NOS1: variants seen among roughly 807,000 people sequenced by gnomAD.
NOS1 encodes nitric oxide synthase 1, also known as NOS type I.
NOS1 carries 51 observed loss-of-function variants against 164.5 expected under a neutral mutation model. The observed-to-expected ratio is 0.31, with a 90% CI of 0.25 to 0.39. NOS1 has a LOEUF of 0.39. Ranked by LOEUF, NOS1 falls within the 10% of genes least tolerant of loss-of-function variation. The probability of loss-of-function intolerance (pLI) is 1.00; values close to 1 mark genes in which losing one functional copy is unlikely to be tolerated. For missense variants in NOS1, 1,362 were observed against 1,885.6 expected (o/e 0.72, Z 5.14); for synonymous variants, 719 against 745.8 (o/e 0.96, Z 0.59).
chr12:117,270,377 C>T (rs1307137728), intron 10 of NOS1, among the ~76,000 whole-genome samples: 1 of 152,080 alleles, frequency 6.6e-6, no homozygotes, highest in East Asian at 1.9e-4. Flanking sequence ...CTACTCTTTG[C>T]AACTGAAATG....
Position 117,243,282 on chromosome 12 carries a change from G to T in NOS1, c.2962+15C>A. The T allele has an allele frequency of 6.2e-7, 1 of 1,613,668 alleles. No individual in the cohort carries two copies. Among genetic ancestry groups the T allele is most frequent in the South Asian group, 1.1e-5 (1 of 90,972 alleles). On this transcript the variant is annotated intron_variant, in intron 19 of 28. Transcript: ENST00000317775. The surrounding 1 kb of genome is among the most constrained non-coding windows in gnomAD (Gnocchi z 4.3). Reference sequence around the variant, plus strand: ...ATTGTCACGAATACCTCCCTGGAAGGGTGGTGGGAGGTACCTTGTGTGAGT... The same window carrying T: ...ATTGTCACGAATACCTCCCTGGAAGTGTGGTGGGAGGTACCTTGTGTGAGT...
rs1047545580 is a variant in NOS1, at chr12:117,299,139, C to CATAA, written c.853-8717_853-8714dup. Among the ~76,000 whole-genome samples the CATAA allele has an allele frequency of 1.1e-3, 172 of 152,356 alleles. 2 individuals carry two copies. Among genetic ancestry groups the CATAA allele is most frequent in the African/African-American group, 3.9e-3 (164 of 41,590 alleles). ...GGTACCACCTCTCCCGGGCAGCAAG[C>CATAA]ATAACCTGGTTACAAGCTGGGACAG... On this transcript the variant is annotated intron_variant, in intron 3 of 28. Transcript: ENST00000317775.
intron 1 of NOS1, among the ~76,000 whole-genome samples, chr12:117,360,230 A>G (rs1426105067): frequency 6.6e-6 from 1 of 151,848 alleles, no homozygotes; most frequent in Non-Finnish European, 1.5e-5. Context: ...CGGAGCTTGG[A>G]GAGCCATGAG....
rs778950738 is a variant in NOS1, at chr12:117,265,389, A to G, written c.2063T>C (p.Met688Thr). ...GAACACAGGGGTGATGCTTCCGGACATGGGGGGCACGATCCACACCCAGTC... is the reference window on the plus strand; with the variant it reads ...GAACACAGGGGTGATGCTTCCGGACGTGGGGGGCACGATCCACACCCAGTC... ...PADWVWIVPP[M>T]SGSITPVFHQ... Residue 688 changes from methionine to threonine, a missense_variant, in exon 12 of 29, where the codon ATG becomes ACG. Physicochemically the swap from Met to Thr is moderately conservative, Grantham distance 81 (BLOSUM62 -1). Around this residue, in one of 4 missense-constraint regions of NOS1, gnomAD observed 737 missense variants for 1,030.3 expected, o/e 0.72. Transcript: ENST00000317775. 1 of 1,590,662 alleles carries G rather than the reference A, an allele frequency of 6.3e-7. No homozygotes were observed.
At chr12:117,215,413 C>G (rs2135915182) in intron 28 of NOS1, 89 bp from the exon 29 acceptor site, 7 of 1,374,406 alleles carry the variant, frequency 5.1e-6, no homozygotes, top group Non-Finnish European at 6.7e-6. Context: ...CACCCATGCT[C>G]TGGGCTCAGG....
At position 117,272,484 on chromosome 12, in the gene NOS1, G is replaced by A. The variant is rs973123429; in HGVS notation, c.1740C>T (p.Gly580=). The A allele has an allele frequency of 3.1e-6, 5 of 1,614,032 alleles. No homozygotes were observed. In the African/African-American group the frequency reaches 4.0e-5, roughly 13 times the overall value. The change falls in exon 10 of 29, where the codon GGC becomes GGT. Residue 580 remains glycine, a synonymous_variant. Coordinates refer to ENST00000317775, the MANE Select transcript of NOS1 (RefSeq NM_000620.5). This position sits in a 1 kb window ranked among gnomAD's most constrained non-coding sequence, Gnocchi z 4.3. ...PAVSNMLLEI[G]GLEFSACPFS... ...AGGGACAGGCGCTGAACTCCAGGCC[G>A]CCAATCTCTAGGAGCATGTTGGACA...
At chr12:117,220,768 C>T (rs1956690276) in intron 26 of NOS1, among the ~76,000 whole-genome samples, 1 of 152,076 alleles carries the variant, frequency 6.6e-6, no homozygotes, top group Non-Finnish European at 1.5e-5. Flanking sequence ...AAGCCGGCTG[C>T]TGTAGCGATA....
At chr12:117,229,562 T>TTCTA (rs58234141) in intron 22 of NOS1, among the ~76,000 whole-genome samples, 20,865 of 149,284 alleles carry the variant, frequency 0.14, 1,546 homozygotes, top group African/African-American at 0.17. Flanking sequence ...TATCAAATTC[T>TTCTA]TCTATCTATC....
At chr12:117,343,304 TGAAA>T (rs1487953827) in intron 1 of NOS1, among the ~76,000 whole-genome samples, 1 of 151,110 alleles carries the variant, frequency 6.6e-6, no homozygotes, top group Admixed American at 6.6e-5. Flanking sequence ...AAAATGGGGG[TGAAA>T]GAAAGAATAA....
chr12:117,360,359 G>C (rs1480029219), intron 1 of NOS1, among the ~76,000 whole-genome samples: 1 of 152,182 alleles, frequency 6.6e-6, no homozygotes, highest in East Asian at 1.9e-4. Context: ...CCTGGAAGTT[G>C]GATCCCCCGG....
Position 117,321,290 on chromosome 12 carries a change from G to A in NOS1, c.725+9055C>T, listed in dbSNP as rs554967960. ...CTCCCAAAGTGCTGGGATTACAGGCGTGGGCCACCACACCCGGCCTATTTA... is the reference window on the plus strand; with the variant it reads ...CTCCCAAAGTGCTGGGATTACAGGCATGGGCCACCACACCCGGCCTATTTA... On this transcript the variant is annotated intron_variant, in intron 2 of 28. Coordinates refer to ENST00000317775, the MANE Select transcript of NOS1 (RefSeq NM_000620.5). Among the ~76,000 whole-genome samples the A allele has an allele frequency of 4.6e-5, 7 of 152,328 alleles. No individual in the cohort carries two copies. The South Asian group carries it at 1.0e-3, about 23-fold the overall frequency.
chr12:117,270,732 T>G (rs1872727989), intron 10 of NOS1, among the ~76,000 whole-genome samples: 1 of 152,118 alleles, frequency 6.6e-6, no homozygotes, highest in Non-Finnish European at 1.5e-5. Context: ...GCTAGAAGTT[T>G]GCACACATTG....
chr12:117,317,518 G>T (rs1199135237), intron 2 of NOS1, among the ~76,000 whole-genome samples: 2 of 150,860 alleles, frequency 1.3e-5, no homozygotes, highest in East Asian at 1.9e-4. Context: ...ATATTGCAAA[G>T]TGCCCCCTGG....
intron 17 of NOS1, among the ~76,000 whole-genome samples, chr12:117,252,018 C>A (rs1341278838): frequency 6.6e-6 from 1 of 152,196 alleles, no homozygotes; most frequent in Non-Finnish European, 1.5e-5. Context: ...CAGGCATGAG[C>A]CACTGTGCCC....
At chr12:117,220,979 G>T (rs1346584046) in intron 26 of NOS1, among the ~76,000 whole-genome samples, 1 of 151,942 alleles carries the variant, frequency 6.6e-6, no homozygotes, top group Non-Finnish European at 1.5e-5. Flanking sequence ...GTCAGACACT[G>T]CCCGGACTCT....
rs1177344096 is a variant in NOS1 at position 117,209,238 on chromosome 12, T to C, written c.*6071A>G. 11 of 982,698 alleles carry C rather than the reference T, an allele frequency of 1.1e-5. No homozygotes were observed. The highest frequency in any genetic ancestry group is 7.0e-5 in the African/African-American group (4 of 57,172). The allele number at this position is 982,698 out of a possible 1,614,324, so 60.9% of individuals were successfully genotyped here. On this transcript the variant is annotated 3_prime_UTR_variant, in exon 29 of 29. Coordinates refer to ENST00000317775, the MANE Select transcript of NOS1 (RefSeq NM_000620.5). The stretch of plus-strand genomic sequence containing the variant: ...AGAGGGGTGTTGCCCCCTGGGGACA[T>C]TGGGCAATGTCTGATGACATACTTG...
intron 9 of NOS1, among the ~76,000 whole-genome samples, chr12:117,275,582 ACACC>A: frequency 6.6e-6 from 1 of 152,172 alleles, no homozygotes; most frequent in Admixed American, 6.6e-5. Flanking sequence ...GTACTGTTCT[ACACC>A]ACTGTAGGAT....
chr12:117,262,650 T>A (rs1397653476), intron 13 of NOS1, among the ~76,000 whole-genome samples: 1 of 152,072 alleles, frequency 6.6e-6, no homozygotes, highest in Non-Finnish European at 1.5e-5. Flanking sequence ...GTTGTACAAC[T>A]AGTTATCATA....
At chr12:117,253,834 G>T in intron 16 of NOS1, 80 bp from the exon 17 acceptor site, 1 of 903,680 alleles carries the variant, frequency 1.1e-6, no homozygotes, top group South Asian at 1.4e-5. Flanking sequence ...ATCTTCAAGT[G>T]ACCAGTCCTG....
Sources: allele counts gnomAD v4.1 joint callset (sites outside exome capture counted in the v4.1 genomes callset), GRCh38; gene constraint gnomAD v4.1.1; regional missense constraint gnomAD v4.1.1; non-coding constraint Gnocchi (gnomAD v3.1); transcripts MANE v1.5; gene names NCBI Gene and HGNC (gene_info 2026-07-23, HGNC 2026-07-21).